Variants in CDK14 observed in about 807,000 individuals in gnomAD.
CDK14 encodes the protein cyclin-dependent kinase 14.
A neutral mutation model predicts 60.7 loss-of-function variants in CDK14; 34 were observed. The ratio of observed to expected loss-of-function variants is 0.56; its 90% CI spans 0.43 to 0.75. CDK14 has a LOEUF of 0.75. Among genes scored for constraint, CDK14 ranks in the 30% least tolerant of loss-of-function variants. CDK14 has a pLI of 0.00. For missense variants in CDK14, 482 were observed against 564.1 expected (o/e 0.85, Z 1.47); for synonymous variants, 197 against 203.7 (o/e 0.97, Z 0.28).
chr7:90,737,440 C>T (rs571044367), intron 3 of CDK14, among the ~76,000 whole-genome samples: 42 of 152,128 alleles, frequency 2.8e-4, no homozygotes, highest in Non-Finnish European at 4.1e-4. Flanking sequence ...GAGAGTTTCA[C>T]TTCTGTTTTT....
In CDK14 at chr7:90,758,272, GTCTC is replaced by G. The variant is rs147601499; in HGVS notation, c.464+10513_464+10516del. On this transcript the variant is annotated intron_variant, in intron 4 of 14. Transcript: ENST00000380050. ...TGTCTTTGTCTTTCACTGTCTCTTT[GTCTC>G]TCTCTCTCTCTCTCTGTTTTTATGT... 3.0e-3 allele frequency among the ~76,000 whole-genome samples: 446 copies of G among 149,418 alleles called. 1 individual carries two copies. The highest frequency in any genetic ancestry group is 6.9e-3 in the Middle Eastern group (2 of 288).
chr7:90,823,195 T>G (rs898760306), intron 5 of CDK14, among the ~76,000 whole-genome samples: 2 of 152,176 alleles, frequency 1.3e-5, no homozygotes. Context: ...TTAATCAAAA[T>G]TCATGTTCAA....
At chr7:90,976,278 G>A (rs1795069589) in intron 9 of CDK14, among the ~76,000 whole-genome samples, 1 of 152,120 alleles carries the variant, frequency 6.6e-6, no homozygotes, top group African/African-American at 2.4e-5. Flanking sequence ...GTTTAGTGAT[G>A]TTGAGCACTT....
intron 9 of CDK14, among the ~76,000 whole-genome samples, chr7:90,974,595 T>C (rs573508922): frequency 6.6e-6 from 1 of 152,316 alleles, no homozygotes; most frequent in African/African-American, 2.4e-5. Context: ...GATATCTTAA[T>C]CTAACCAAAA....
intron 1 of CDK14, among the ~76,000 whole-genome samples, chr7:90,600,838 C>T (rs1188281781): frequency 6.6e-6 from 1 of 152,216 alleles, no homozygotes; most frequent in Non-Finnish European, 1.5e-5. Flanking sequence ...AAAAGATACT[C>T]TCCTTTTGCC....
intron 14 of CDK14, among the ~76,000 whole-genome samples, chr7:91,191,109 C>A (rs1421055499): frequency 6.6e-6 from 1 of 152,142 alleles, no homozygotes; most frequent in African/African-American, 2.4e-5. Flanking sequence ...CAAGGCCACA[C>A]GACCCCACTT....
intron 11 of CDK14, among the ~76,000 whole-genome samples, chr7:91,065,627 A>G (rs900809091): frequency 1.3e-5 from 2 of 152,212 alleles, no homozygotes. Flanking sequence ...TTTTCCTAAC[A>G]GATATAAGAA....
intron 2 of CDK14, among the ~76,000 whole-genome samples, chr7:90,715,158 A>G (rs1280590060): frequency 6.6e-6 from 1 of 152,038 alleles, no homozygotes. Flanking sequence ...AAAGGTGTAG[A>G]CATGAAGGAA....
chr7:91,090,875 C>T (rs888387746), intron 12 of CDK14, among the ~76,000 whole-genome samples: 1 of 152,052 alleles, frequency 6.6e-6, no homozygotes, highest in African/African-American at 2.4e-5. Flanking sequence ...TAAGCTCTGT[C>T]ACTCGTCACC....
intron 9 of CDK14, among the ~76,000 whole-genome samples, chr7:90,963,684 T>TGTTTTG (rs1794669763): frequency 6.6e-6 from 1 of 150,392 alleles, no homozygotes; most frequent in African/African-American, 2.4e-5. Flanking sequence ...ACAAAGGTTT[T>TGTTTTG]TTTTTTTTCT....
chr7:90,613,736 C>G (rs912468957), intron 2 of CDK14, among the ~76,000 whole-genome samples: 1 of 152,050 alleles, frequency 6.6e-6, no homozygotes. Flanking sequence ...CGTAGGAAGT[C>G]TTTCTGTACA....
chr7:90,938,451 A>G (rs963399159), intron 8 of CDK14, among the ~76,000 whole-genome samples: 6 of 152,182 alleles, frequency 3.9e-5, no homozygotes, highest in African/African-American at 1.4e-4. Flanking sequence ...CTAATGTTAT[A>G]TTGTTTTTAT....
chr7:91,122,260 A>G (rs1799800712), intron 14 of CDK14, among the ~76,000 whole-genome samples: 1 of 139,866 alleles, frequency 7.1e-6, no homozygotes, highest in South Asian at 2.5e-4. Flanking sequence ...GCAAATCCAC[A>G]TTATGTAGGA....
intron 14 of CDK14, among the ~76,000 whole-genome samples, chr7:91,175,371 C>A (rs1255768574): frequency 1.3e-5 from 2 of 151,890 alleles, no homozygotes; most frequent in South Asian, 2.1e-4. Flanking sequence ...AATGTAAAGA[C>A]CATCGAGACT....
chr7:90,709,470 C>A, intron 2 of CDK14: 1 of 1,583,536 alleles, frequency 6.3e-7, no homozygotes, highest in Admixed American at 1.8e-5. Flanking sequence ...CTGTATTCTT[C>A]TGAAGCAGCC....
chr7:90,724,658 T>C (rs1359537138), intron 2 of CDK14, among the ~76,000 whole-genome samples: 1 of 152,008 alleles, frequency 6.6e-6, no homozygotes, highest in African/African-American at 2.4e-5. Flanking sequence ...TCCAAGATGC[T>C]TTCTAATTGC....
chr7:90,956,855 A>G (rs1273643311), intron 9 of CDK14, among the ~76,000 whole-genome samples: 2 of 150,860 alleles, frequency 1.3e-5, no homozygotes, highest in Non-Finnish European at 2.9e-5. Flanking sequence ...ATGAGTGAGA[A>G]TATGTGGTAT....
At chr7:90,984,346 T>A in intron 10 of CDK14, 105 bp downstream of exon 10, 1 of 747,080 alleles carries the variant, frequency 1.3e-6, no homozygotes, top group Admixed American at 2.2e-5. Flanking sequence ...ACAAAATTTG[T>A]TGTCACATTT....
intron 14 of CDK14, among the ~76,000 whole-genome samples, chr7:91,167,333 T>C (rs1243815417): frequency 6.6e-6 from 1 of 152,216 alleles, no homozygotes; most frequent in African/African-American, 2.4e-5. Flanking sequence ...TTTGCCTTAT[T>C]ATATGACGTC....
Sources: allele counts gnomAD v4.1 joint callset (sites outside exome capture counted in the v4.1 genomes callset), GRCh38; gene constraint gnomAD v4.1.1; transcripts MANE v1.5; gene names NCBI Gene and HGNC (gene_info 2026-07-23, HGNC 2026-07-21).